The following LMF1 variants were observed in gnomAD, a reference collection of about 807,000 sequenced individuals.
The protein encoded by LMF1 is lipase maturation factor 1.
A neutral mutation model predicts 60.6 loss-of-function variants in LMF1; 68 were observed. The ratio of observed to expected loss-of-function variants is 1.12; its 90% confidence interval spans 0.92 to 1.37. The LOEUF (loss-of-function observed/expected upper bound fraction) is 1.37. Ranked by LOEUF, LMF1 falls within the 40% of genes most tolerant of loss-of-function variation. The pLI, the probability that LMF1 is intolerant of heterozygous loss-of-function variation, is 0.00. For missense variants in LMF1, 948 were observed against 767.2 expected (o/e 1.24, Z -2.78); for synonymous variants, 418 against 324.7 (o/e 1.29, Z -3.09).
intron 3 of LMF1, among the ~76,000 whole-genome samples, chr16:915,454 A>T: frequency 6.6e-6 from 1 of 152,228 alleles, no homozygotes; most frequent in Admixed American, 6.5e-5. Flanking sequence ...TATGGGAATC[A>T]GAGGTTGAGG....
chr16:926,925 CAAG>C (rs2071626739), intron 3 of LMF1, among the ~76,000 whole-genome samples: 1 of 152,208 alleles, frequency 6.6e-6, no homozygotes, highest in African/African-American at 2.4e-5. Context: ...CCCTGTGGCC[CAAG>C]AAGACAGCCT....
chr16:967,570 G>A (rs1214824687), intron 1 of LMF1, among the ~76,000 whole-genome samples: 1 of 152,222 alleles, frequency 6.6e-6, no homozygotes, highest in Non-Finnish European at 1.5e-5. Context: ...GGAAACTCCT[G>A]TCACATAAGC....
chr16:871,352 G>C lies in LMF1; in HGVS notation c.898-11C>G. 1 of 1,611,156 alleles carries C rather than the reference G, an allele frequency of 6.2e-7. No individual in the cohort carries two copies. Among genetic ancestry groups the C allele is most frequent in the Non-Finnish European group, 8.5e-7 (1 of 1,179,432 alleles). On this transcript the variant is annotated splice_polypyrimidine_tract_variant and intron_variant, in intron 6 of 10. Transcript: ENST00000262301. ...GACGATGAGGACGGCCTGTGGAGAC[G>C]CCGCAGCTGAGTCTCGTGCAGGGGC... is the stretch of plus-strand genomic sequence containing the variant.
At chr16:869,142 C>A (rs955653638) in intron 9 of LMF1, 86 bp from the exon 10 acceptor site, 5 of 896,594 alleles carry the variant, frequency 5.6e-6, no homozygotes, top group Non-Finnish European at 9.4e-6. Context: ...GCCCTCCACT[C>A]CCTCCTGAGG....
At chr16:886,241 G>A (rs975349233) in intron 5 of LMF1, among the ~76,000 whole-genome samples, 1 of 152,166 alleles carries the variant, frequency 6.6e-6, no homozygotes, top group African/African-American at 2.4e-5. Context: ...CATAACAACA[G>A]GGCTCAGATG....
chr16:910,101 G>T (rs1365115550), intron 4 of LMF1, among the ~76,000 whole-genome samples: 1 of 152,260 alleles, frequency 6.6e-6, no homozygotes, highest in Non-Finnish European at 1.5e-5. Flanking sequence ...ACGTGAAGCG[G>T]AAGAGCAGGT....
intron 6 of LMF1, 44 bp from the exon 7 acceptor site, chr16:871,385 G>C: frequency 1.3e-6 from 2 of 1,592,696 alleles, no homozygotes; most frequent in Non-Finnish European, 1.7e-6. Flanking sequence ...GGCTCGTGTG[G>C]GGCCCCTGGG....
intron 2 of LMF1, among the ~76,000 whole-genome samples, chr16:942,149 CTTTTGT>C (rs2072115750): frequency 6.6e-6 from 1 of 152,134 alleles, no homozygotes; most frequent in African/African-American, 2.4e-5. Context: ...CTTTATTTTG[CTTTTGT>C]TTTTGAAGGA....
At chr16:931,560 C>T in intron 3 of LMF1, 2 of 1,189,382 alleles carry the variant, frequency 1.7e-6, no homozygotes, top group Non-Finnish European at 2.2e-6. Context: ...AAAGGAGCCT[C>T]CCCAGAGGTC....
At chr16:880,248 C>T (rs867970742) in intron 5 of LMF1, among the ~76,000 whole-genome samples, 59 of 151,596 alleles carry the variant, frequency 3.9e-4, no homozygotes, top group African/African-American at 1.3e-3. Context: ...GCTCAAGGCT[C>T]TAAGCGCAAG....
At chr16:917,978 T>A (rs911998319) in intron 3 of LMF1, among the ~76,000 whole-genome samples, 1 of 152,198 alleles carries the variant, frequency 6.6e-6, no homozygotes, top group Non-Finnish European at 1.5e-5. Context: ...GGGCCGCCCT[T>A]CTGCTGCCCG....
At chr16:866,486 T>G (rs539634364) in intron 10 of LMF1, among the ~76,000 whole-genome samples, 1 of 152,202 alleles carries the variant, frequency 6.6e-6, no homozygotes, top group East Asian at 1.9e-4. Context: ...GAGGAGCCCT[T>G]CAGTACTGCC....
rs111949792 is a variant in LMF1, at chr16:888,854, C to A, written c.729+4153G>T. Among the ~76,000 whole-genome samples, 579 of 152,268 alleles carry A rather than the reference C, an allele frequency of 3.8e-3. 7 individuals carry two copies. The highest frequency in any genetic ancestry group is 0.014 in the Middle Eastern group (4 of 294). On this transcript the variant is annotated intron_variant, in intron 5 of 10. Transcript: ENST00000262301. ...GGGAGAGGGATGCACAGGTGGGCAG[C>A]AGGGCCAGCCAGTGTCAGGCAGCAG...
chr16:909,527 G>A (rs1366585371), intron 4 of LMF1, among the ~76,000 whole-genome samples: 2 of 152,026 alleles, frequency 1.3e-5, no homozygotes, highest in Admixed American at 6.5e-5. Flanking sequence ...CACGCTACAC[G>A]CTATACCAAG....
chr16:966,700 A>G (rs2072931721), intron 1 of LMF1, among the ~76,000 whole-genome samples: 1 of 152,184 alleles, frequency 6.6e-6, no homozygotes, highest in Non-Finnish European at 1.5e-5. Flanking sequence ...AAGGAATCCC[A>G]TGTCAGCCTC....
intron 5 of LMF1, among the ~76,000 whole-genome samples, chr16:891,514 G>A (rs1180869837): frequency 3.3e-5 from 5 of 152,214 alleles, no homozygotes; most frequent in African/African-American, 4.8e-5. Flanking sequence ...CACTGCTGTC[G>A]CCACCGGTGC....
chr16:950,691 C>T (rs1410311094), intron 2 of LMF1, among the ~76,000 whole-genome samples: 70 of 140,932 alleles, frequency 5.0e-4, no homozygotes, highest in African/African-American at 6.8e-4. Flanking sequence ...AGTCAGCCAA[C>T]GACAGAGTCA....
chr16:941,043 C>T (rs2072088523), intron 2 of LMF1, among the ~76,000 whole-genome samples: 2 of 152,150 alleles, frequency 1.3e-5, no homozygotes, highest in Admixed American at 6.5e-5. Flanking sequence ...TGTCTCTGTA[C>T]ACCTCTGATA....
At chr16:915,236 T>A (rs2071248113) in intron 3 of LMF1, among the ~76,000 whole-genome samples, 1 of 151,890 alleles carries the variant, frequency 6.6e-6, no homozygotes, top group South Asian at 2.1e-4. Context: ...TGTGCATAGG[T>A]GTGAGGCATG....
Sources: gnomAD v4.1 joint callset for allele counts (sites outside exome capture counted in the v4.1 genomes callset) on GRCh38, gnomAD v4.1.1 for gene constraint, MANE v1.5 for transcripts, NCBI Gene and HGNC (gene_info 2026-07-23, HGNC 2026-07-21) for gene names.